STPG2: variants seen among roughly 807,000 people sequenced by gnomAD.
The protein encoded by STPG2 is sperm-tail PG-rich repeat-containing protein 2.
Under a neutral mutation model 54.2 loss-of-function variants are expected in STPG2, and 56 were observed. That is an observed-to-expected ratio of 1.03 (90% CI 0.83 to 1.29). STPG2 has a LOEUF of 1.29. STPG2 is among the 50% of genes most tolerant of loss of function. The probability of loss-of-function intolerance (pLI) is 0.00; values close to 1 mark genes in which losing one functional copy is unlikely to be tolerated. For synonymous variants in STPG2, 200 were observed against 181.8 expected (o/e 1.10, Z -0.81); for missense variants, 596 against 544.9 (o/e 1.09, Z -0.93).
At chr4:97,603,139 T>C (rs760049582) in intron 10 of STPG2, among the ~76,000 whole-genome samples, 2 of 151,514 alleles carry the variant, frequency 1.3e-5, no homozygotes, top group Non-Finnish European at 3.0e-5. Context: ...CAAACCAATT[T>C]AAAAAACAGG....
At chr4:97,496,062 A>C (rs180938716) in intron 4 of STPG2, among the ~76,000 whole-genome samples, 81 of 151,778 alleles carry the variant, frequency 5.3e-4, no homozygotes, top group Non-Finnish European at 5.9e-5. Context: ...AATGACAACC[A>C]ATATGTCCTA....
chr4:97,512,677 C>T (rs111568312), intron 4 of STPG2, among the ~76,000 whole-genome samples: 33 of 151,918 alleles, frequency 2.2e-4, no homozygotes, highest in African/African-American at 7.0e-4. Flanking sequence ...GGAAGGGGGA[C>T]GAAAGAGTAT....
At chr4:97,497,974 T>A (rs1466850462) in intron 4 of STPG2, among the ~76,000 whole-genome samples, 1 of 151,858 alleles carries the variant, frequency 6.6e-6, no homozygotes, top group Non-Finnish European at 1.5e-5. Context: ...TGAGAACCAG[T>A]TCCCCTGACT....
intron 8 of STPG2, among the ~76,000 whole-genome samples, chr4:97,908,570 G>C (rs995931860): frequency 6.6e-6 from 1 of 152,010 alleles, no homozygotes; most frequent in South Asian, 2.1e-4. Context: ...GCACACATAT[G>C]TTTATTGCAG....
intron 8 of STPG2, among the ~76,000 whole-genome samples, chr4:97,864,274 A>G (rs1729675788): frequency 6.7e-6 from 1 of 148,362 alleles, no homozygotes; most frequent in Admixed American, 6.7e-5. Flanking sequence ...ATCAATGTGC[A>G]AAAATCACAA....
At chr4:97,998,087 T>A (rs1304939677) in intron 5 of STPG2, among the ~76,000 whole-genome samples, 1 of 152,164 alleles carries the variant, frequency 6.6e-6, no homozygotes, top group Non-Finnish European at 1.5e-5. Flanking sequence ...GATAAAATAA[T>A]AATTAGAACA....
intron 5 of STPG2, among the ~76,000 whole-genome samples, chr4:97,993,871 G>A (rs556377536): frequency 8.3e-4 from 126 of 152,180 alleles, no homozygotes; most frequent in African/African-American, 2.5e-3. Context: ...GTTTATGTGC[G>A]TAAAGGTGTT....
At chr4:97,642,133 AT>A (rs1721784076) in intron 10 of STPG2, among the ~76,000 whole-genome samples, 1 of 151,482 alleles carries the variant, frequency 6.6e-6, no homozygotes, top group Non-Finnish European at 1.5e-5. Flanking sequence ...TCCAAAGAAA[AT>A]ACATTAGACC....
At chr4:97,847,186 T>C (rs1247822807) in intron 8 of STPG2, among the ~76,000 whole-genome samples, 1 of 152,148 alleles carries the variant, frequency 6.6e-6, no homozygotes, top group South Asian at 2.1e-4. Context: ...CTTATCCAAA[T>C]TACTTAAATT....
Position 98,026,118 on chromosome 4 carries a change from G to A in STPG2, c.613-44800C>T, listed in dbSNP as rs138481320. The A allele has an allele frequency of 4.2e-5, 62 of 1,462,000 alleles. No homozygotes were observed. The Admixed American group carries it at 5.3e-4, about 13-fold the overall frequency. 90.6% of individuals were successfully genotyped at this position (1,462,000 alleles called of 1,614,324 possible). ...TATAGGAAAGCTCATGCTGCTATAC[G>A]AGAGAATCCAGTCTATGAAAAGAAG... On this transcript the variant is annotated intron_variant, in intron 5 of 10. Coordinates refer to ENST00000295268, the MANE Select transcript of STPG2 (RefSeq NM_174952.3).
intron 8 of STPG2, among the ~76,000 whole-genome samples, chr4:97,908,542 G>A (rs1161750396): frequency 2.0e-5 from 3 of 151,976 alleles, no homozygotes; most frequent in Non-Finnish European, 4.4e-5. Flanking sequence ...TATAAATCAT[G>A]CTGCTATAAA....
chr4:97,760,728 C>T (rs954878753), intron 9 of STPG2, among the ~76,000 whole-genome samples: 1 of 152,126 alleles, frequency 6.6e-6, no homozygotes, highest in Admixed American at 6.6e-5. Context: ...TGCTAGTTTC[C>T]CATTGCTGCT....
Position 98,134,402 on chromosome 4 carries a change from G to C in STPG2, c.167C>G (p.Ser56Cys). 3.8e-6 allele frequency: 6 copies of C among 1,589,550 alleles called. No individual in the cohort carries two copies. The highest frequency in any genetic ancestry group is 5.1e-6 in the Non-Finnish European group (6 of 1,165,648). ...ACCTGGAACAGCTTTCTCAATGCTA[G>C]AGGCAATGGTAAAAGTACTTTCTCT... ...TARESTFTIASSIEKAVPGPG... is the reference protein window; with the variant it reads ...TARESTFTIACSIEKAVPGPG... The change falls in exon 2 of 11, where the codon TCT (serine) becomes TGT (cysteine). Residue 56 changes from serine to cysteine, a missense_variant. Coordinates refer to ENST00000295268, the MANE Select transcript of STPG2 (RefSeq NM_174952.3).
At chr4:98,006,245 T>C (rs760011257) in intron 5 of STPG2, among the ~76,000 whole-genome samples, 1 of 152,082 alleles carries the variant, frequency 6.6e-6, no homozygotes, top group Non-Finnish European at 1.5e-5. Flanking sequence ...CTGAGAACTG[T>C]GAGTAAAGTT....
At chr4:97,444,658 T>C (rs1220264336) in intron 4 of STPG2, among the ~76,000 whole-genome samples, 5 of 152,058 alleles carry the variant, frequency 3.3e-5, no homozygotes, top group African/African-American at 1.2e-4. Flanking sequence ...AGACTAATAA[T>C]CTAAGGAGAA....
intron 5 of STPG2, among the ~76,000 whole-genome samples, chr4:98,073,562 C>G (rs1738071226): frequency 6.6e-6 from 1 of 152,038 alleles, no homozygotes; most frequent in South Asian, 2.1e-4. Flanking sequence ...TTCATCTCTA[C>G]TAAAAATACA....
At chr4:97,930,688 TA>T (rs1732509704) in intron 8 of STPG2, among the ~76,000 whole-genome samples, 1 of 152,186 alleles carries the variant, frequency 6.6e-6, no homozygotes. Flanking sequence ...TATGACTTTT[TA>T]AAGGTTTTTT....
At chr4:97,470,586 C>G (rs1057329666) in intron 4 of STPG2, among the ~76,000 whole-genome samples, 8 of 151,806 alleles carry the variant, frequency 5.3e-5, no homozygotes, top group Non-Finnish European at 1.5e-5. Flanking sequence ...TATACACATT[C>G]TTATGATAAA....
At chr4:98,040,771 T>C (rs1736929478) in intron 5 of STPG2, among the ~76,000 whole-genome samples, 1 of 152,004 alleles carries the variant, frequency 6.6e-6, no homozygotes, top group Non-Finnish European at 1.5e-5. Context: ...TCCTGCTTTG[T>C]TCCTTTTGCT....
Sources: gnomAD v4.1 joint callset for allele counts (sites outside exome capture counted in the v4.1 genomes callset) on GRCh38, gnomAD v4.1.1 for gene constraint, MANE v1.5 for transcripts, NCBI Gene and HGNC (gene_info 2026-07-23, HGNC 2026-07-21) for gene names.